The following STXBP6 variants were observed in gnomAD, a reference collection of about 807,000 sequenced individuals.
STXBP6 encodes syntaxin binding protein 6.
STXBP6 carries 21 observed loss-of-function variants against 26.9 expected under a neutral mutation model. The observed-to-expected ratio is 0.78, with a 90% CI of 0.55 to 1.12. The LOEUF is 1.12. STXBP6 is among the 50% of genes most tolerant of loss of function. The pLI is 0.00. For synonymous variants in STXBP6, 97 were observed against 92.6 expected (o/e 1.05, Z -0.27); for missense variants, 232 against 257.9 (o/e 0.90, Z 0.69).
At chr14:24,945,694 A>G (rs2072964519) in intron 2 of STXBP6, among the ~76,000 whole-genome samples, 1 of 152,202 alleles carries the variant, frequency 6.6e-6, no homozygotes, top group African/African-American at 2.4e-5. Flanking sequence ...CCTGTGTTGC[A>G]AAATAATAAT....
In STXBP6 at chr14:24,855,342, T is replaced by C. The variant is rs1044125748; in HGVS notation, c.451+594A>G. On this transcript the variant is annotated intron_variant, in intron 4 of 5. Transcript: ENST00000323944. ...CATTTTTAGCACAGTATCAATTCTC[T>C]AAAAAGAAATGCCACCTAAGAAATG... Among the ~76,000 whole-genome samples, 8 of 152,256 alleles carry C rather than the reference T, an allele frequency of 5.3e-5. 2 individuals carry two copies. The highest frequency in any genetic ancestry group is 3.9e-4 in the Admixed American group (6 of 15,278).
At chr14:24,887,686 C>T (rs1566445687) in intron 2 of STXBP6, among the ~76,000 whole-genome samples, 1 of 152,184 alleles carries the variant, frequency 6.6e-6, no homozygotes, top group African/African-American at 2.4e-5. Context: ...CCCAAAAGTA[C>T]ACTATTTGGG....
chr14:24,989,272 G>C (rs1316563665), intron 1 of STXBP6, among the ~76,000 whole-genome samples: 1 of 152,172 alleles, frequency 6.6e-6, no homozygotes, highest in Non-Finnish European at 1.5e-5. Context: ...TCTGGTTACT[G>C]AGGATACAGA....
At chr14:24,822,431 G>C (rs113094869) in intron 4 of STXBP6, among the ~76,000 whole-genome samples, 3 of 152,042 alleles carry the variant, frequency 2.0e-5, no homozygotes, top group African/African-American at 4.8e-5. Context: ...ACATTTTTAG[G>C]CTCTTGGTGT....
At chr14:24,923,563 T>C (rs1309799412) in intron 2 of STXBP6, among the ~76,000 whole-genome samples, 1 of 152,114 alleles carries the variant, frequency 6.6e-6, no homozygotes, top group Non-Finnish European at 1.5e-5. Flanking sequence ...CAATTTACAA[T>C]GTATTAGAGC....
intron 2 of STXBP6, among the ~76,000 whole-genome samples, chr14:24,894,465 C>T (rs1012179223): frequency 2.6e-5 from 4 of 152,064 alleles, no homozygotes; most frequent in African/African-American, 9.7e-5. Flanking sequence ...ACCAGGACAG[C>T]GTGGACTAGA....
intron 2 of STXBP6, among the ~76,000 whole-genome samples, chr14:24,892,946 C>G (rs1027707287): frequency 6.6e-6 from 1 of 152,206 alleles, no homozygotes; most frequent in Non-Finnish European, 1.5e-5. Context: ...TCATTTTCCA[C>G]ATTCCGCTGC....
At chr14:24,856,187 C>T in intron 3 of STXBP6, 86 bp from the exon 4 acceptor site, 1 of 1,318,414 alleles carries the variant, frequency 7.6e-7, no homozygotes. Context: ...TTTATAAGGG[C>T]TAAAACAAAG....
intron 4 of STXBP6, among the ~76,000 whole-genome samples, chr14:24,847,074 T>C (rs1310036712): frequency 2.0e-5 from 3 of 152,164 alleles, no homozygotes; most frequent in Non-Finnish European, 4.4e-5. Context: ...AGAGTGTGTA[T>C]TCTGAATGGC....
intron 2 of STXBP6, among the ~76,000 whole-genome samples, chr14:24,929,857 G>A (rs930921165): frequency 2.0e-5 from 3 of 152,186 alleles, no homozygotes; most frequent in African/African-American, 7.2e-5. Context: ...CCAGTTCTTA[G>A]GAAAGTGTAT....
chr14:24,845,307 T>C (rs112303806), intron 4 of STXBP6, among the ~76,000 whole-genome samples: 6,083 of 152,186 alleles, frequency 0.04, 210 homozygotes, highest in East Asian at 0.17. Context: ...CCACCGCGCC[T>C]GGCCATCAAA....
chr14:24,875,834 G>C (rs372711087), intron 2 of STXBP6, among the ~76,000 whole-genome samples: 1 of 152,138 alleles, frequency 6.6e-6, no homozygotes, highest in East Asian at 1.9e-4. Flanking sequence ...GAGGGGAAAT[G>C]AGTTGAGGGG....
intron 5 of STXBP6, among the ~76,000 whole-genome samples, chr14:24,814,308 T>C (rs1321397620): frequency 6.6e-6 from 1 of 152,234 alleles, no homozygotes; most frequent in Non-Finnish European, 1.5e-5. Context: ...ACCTCATCAC[T>C]CTACGGCCTC....
chr14:25,008,716 T>C (rs1486024028), intron 1 of STXBP6, among the ~76,000 whole-genome samples: 2 of 152,142 alleles, frequency 1.3e-5, no homozygotes, highest in African/African-American at 2.4e-5. Flanking sequence ...AAAGTAATGG[T>C]AAAAGAGACT....
At chr14:24,866,131 AT>A (rs1298268784) in intron 2 of STXBP6, among the ~76,000 whole-genome samples, 1 of 152,078 alleles carries the variant, frequency 6.6e-6, no homozygotes, top group Non-Finnish European at 1.5e-5. Context: ...ACCCTCCTTG[AT>A]GTGAGTGGGT....
At chr14:25,000,208 G>A (rs1016030772) in intron 1 of STXBP6, among the ~76,000 whole-genome samples, 15 of 152,048 alleles carry the variant, frequency 9.9e-5, no homozygotes, top group African/African-American at 1.4e-4. Context: ...GACTACAGGC[G>A]CCTGCCACCA....
intron 4 of STXBP6, among the ~76,000 whole-genome samples, chr14:24,836,995 C>G (rs2068639006): frequency 6.6e-6 from 1 of 152,166 alleles, no homozygotes; most frequent in African/African-American, 2.4e-5. Flanking sequence ...TAAAAGACAT[C>G]AAGAACATGA....
intron 4 of STXBP6, among the ~76,000 whole-genome samples, chr14:24,837,509 C>T (rs901622893): frequency 6.6e-6 from 1 of 152,050 alleles, no homozygotes; most frequent in Non-Finnish European, 1.5e-5. Flanking sequence ...AAATAGCCAG[C>T]AAAATGTTGC....
chr14:24,813,542 T>A (rs539101509), intron 5 of STXBP6, among the ~76,000 whole-genome samples: 1 of 152,338 alleles, frequency 6.6e-6, no homozygotes, highest in East Asian at 1.9e-4. Context: ...TAACTCTCCA[T>A]GTATCCAGAG....
Sources: gnomAD v4.1 joint callset for allele counts (sites outside exome capture counted in the v4.1 genomes callset) on GRCh38, gnomAD v4.1.1 for gene constraint, MANE v1.5 for transcripts, NCBI Gene and HGNC (gene_info 2026-07-23, HGNC 2026-07-21) for gene names.